The following MAEA variants were observed in gnomAD, a reference collection of about 807,000 sequenced individuals.
MAEA encodes E3 ubiquitin-protein transferase MAEA.
Under a neutral mutation model 46.2 loss-of-function variants are expected in MAEA, and 22 were observed. The observed-to-expected ratio is 0.48, with a 90% confidence interval of 0.34 to 0.68. The LOEUF (loss-of-function observed/expected upper bound fraction) is 0.68. Ranked by LOEUF, MAEA falls within the 30% of genes least tolerant of loss-of-function variation. MAEA has a pLI of 0.01. For missense variants in MAEA, 393 were observed against 558.1 expected (o/e 0.70, Z 2.98); for synonymous variants, 246 against 222.6 (o/e 1.11, Z -0.94).
chr4:1,333,924 A>C (rs1229889065), intron 6 of MAEA, among the ~76,000 whole-genome samples: 1 of 24,784 alleles, frequency 4.0e-5, no homozygotes, highest in Non-Finnish European at 6.9e-5. Flanking sequence ...GCTCACCCCC[A>C]TGCCCACTCC....
At position 1,338,774 on chromosome 4, in the gene MAEA, C is replaced by T. The variant is rs1040798123; in HGVS notation, c.1095+157C>T. 19 of 804,212 alleles carry T rather than the reference C, an allele frequency of 2.4e-5. No individual in the cohort carries two copies. In the East Asian group the frequency reaches 3.5e-4, roughly 15 times the overall value. 49.8% of individuals were successfully genotyped at this position (804,212 alleles called of 1,614,324 possible). On this transcript the variant is annotated intron_variant, in intron 8 of 8. Transcript: ENST00000303400. ...GGCGGGGGGCCAGGCTGGCACGCGTCGCCATCGGGACAGGGCTGTGTGGGG... is the reference window on the plus strand; with the variant it reads ...GGCGGGGGGCCAGGCTGGCACGCGTTGCCATCGGGACAGGGCTGTGTGGGG...
chr4:1,297,457 GCGTA>G (rs202158225), intron 1 of MAEA, among the ~76,000 whole-genome samples: 5 of 148,782 alleles, frequency 3.4e-5, no homozygotes, highest in African/African-American at 1.0e-4. Flanking sequence ...AAAAGTACGT[GCGTA>G]TGTGTGTGTG....
At chr4:1,292,404 T>C (rs1734184428) in intron 1 of MAEA, among the ~76,000 whole-genome samples, 1 of 152,136 alleles carries the variant, frequency 6.6e-6, no homozygotes, top group Admixed American at 6.5e-5. Context: ...AGGTACTTAT[T>C]TTTCTATTTT....
chr4:1,325,494 A>C (rs912037734), intron 4 of MAEA, among the ~76,000 whole-genome samples: 23 of 152,328 alleles, frequency 1.5e-4, no homozygotes, highest in African/African-American at 5.1e-4. Context: ...CTACTAGAGC[A>C]AAAGGTGTTA....
chr4:1,315,724 C>G, intron 3 of MAEA, 124 bp downstream of exon 3: 2 of 773,488 alleles, frequency 2.6e-6, no homozygotes. Flanking sequence ...CCCCCCACCC[C>G]CGTATGCTTG....
At chr4:1,293,895 G>C (rs1443127741) in intron 1 of MAEA, among the ~76,000 whole-genome samples, 2 of 152,234 alleles carry the variant, frequency 1.3e-5, no homozygotes, top group Admixed American at 6.5e-5. Context: ...GCTGTGTGCT[G>C]AAGTTGTAAC....
At position 1,304,275 on chromosome 4, in the gene MAEA, A is replaced by G. The variant is rs1371605091; in HGVS notation, c.70-7704A>G. On this transcript the variant is annotated intron_variant, in intron 1 of 8. Transcript: ENST00000303400. ...AGAGGGTAAAGAATGTAAAATATCT[A>G]ATGATTATTTATTGTTTGTTTATTT... Among the ~76,000 whole-genome samples, 4 of 152,204 alleles carry G rather than the reference A, an allele frequency of 2.6e-5. No individual in the cohort carries two copies. In the East Asian group the frequency reaches 7.7e-4, roughly 29 times the overall value.
chr4:1,329,574 G>A, intron 5 of MAEA: 2 of 985,454 alleles, frequency 2.0e-6, no homozygotes, highest in Non-Finnish European at 2.4e-6. Context: ...CAGGCGCAGT[G>A]TGAGCTACAT....
intron 5 of MAEA, chr4:1,329,645 C>T (rs948282786): frequency 5.1e-6 from 5 of 985,390 alleles, no homozygotes; most frequent in Middle Eastern, 5.2e-4. Flanking sequence ...CAGGGAAGTC[C>T]GGCCTCAGCT....
chr4:1,338,831 G>C (rs569216023), intron 8 of MAEA: 7 of 650,044 alleles, frequency 1.1e-5, no homozygotes, highest in Non-Finnish European at 1.6e-5. Flanking sequence ...GCTGGCACAC[G>C]TCGCCATTGG....
chr4:1,336,319 T>C (rs1380861365), intron 6 of MAEA, among the ~76,000 whole-genome samples: 1 of 151,556 alleles, frequency 6.6e-6, no homozygotes, highest in Non-Finnish European at 1.5e-5. Context: ...AAGTCAGAAC[T>C]GGCCCCACAG....
chr4:1,292,333 A>C (rs1029417306), intron 1 of MAEA, among the ~76,000 whole-genome samples: 1 of 152,138 alleles, frequency 6.6e-6, no homozygotes, highest in Admixed American at 6.5e-5. Flanking sequence ...CAGCAGTAAC[A>C]CTTGGGATGT....
At chr4:1,302,976 T>A (rs1459091595) in intron 1 of MAEA, among the ~76,000 whole-genome samples, 3 of 152,000 alleles carry the variant, frequency 2.0e-5, no homozygotes, top group African/African-American at 7.3e-5. Flanking sequence ...ATTGAAATCC[T>A]CATACGCAGC....
intron 1 of MAEA, among the ~76,000 whole-genome samples, chr4:1,308,002 A>G (rs1277361403): frequency 8.0e-6 from 1 of 125,712 alleles, no homozygotes; most frequent in Non-Finnish European, 1.9e-5. Flanking sequence ...TTACCTGTGC[A>G]GATACGGTCA....
rs1010678464 is a variant in MAEA, at chr4:1,305,753, G to A, written c.70-6226G>A. 1.8e-3 allele frequency among the ~76,000 whole-genome samples: 227 copies of A among 129,494 alleles called. 1 individual carries two copies. The highest frequency in any genetic ancestry group is 7.6e-3 in the Middle Eastern group (2 of 262). 85.0% of individuals were successfully genotyped at this position (129,494 alleles called of 152,430 possible). On this transcript the variant is annotated intron_variant, in intron 1 of 8. Coordinates refer to ENST00000303400, the MANE Select transcript of MAEA (RefSeq NM_001017405.3). ...CACGCGTGTGTGGGAGTGTGCGTGC[G>A]TGCACGTGCGCACGCGTGCGTGTAA...
At chr4:1,314,718 A>T (rs1011010072) in intron 2 of MAEA, among the ~76,000 whole-genome samples, 2 of 152,230 alleles carry the variant, frequency 1.3e-5, no homozygotes, top group Admixed American at 1.3e-4. Flanking sequence ...AGACAAAGAA[A>T]TATTTGAAAA....
chr4:1,320,180 G>A (rs532943383), intron 3 of MAEA, among the ~76,000 whole-genome samples: 1 of 96,538 alleles, frequency 1.0e-5, no homozygotes, highest in South Asian at 3.1e-4. Context: ...CTATGAAGGG[G>A]CTTCAGAAAT....
At chr4:1,318,067 A>G (rs1240075781) in intron 3 of MAEA, among the ~76,000 whole-genome samples, 1 of 152,156 alleles carries the variant, frequency 6.6e-6, no homozygotes, top group Non-Finnish European at 1.5e-5. Flanking sequence ...GCCCTGTCCC[A>G]CATGCCTTTC....
intron 4 of MAEA, 63 bp from the exon 5 acceptor site, chr4:1,327,564 C>T: frequency 8.4e-7 from 1 of 1,191,008 alleles, no homozygotes; most frequent in Non-Finnish European, 1.3e-6. Context: ...GCGGGTGCGG[C>T]ACCCGGGCAC....
Sources: allele counts gnomAD v4.1 joint callset (sites outside exome capture counted in the v4.1 genomes callset), GRCh38; gene constraint gnomAD v4.1.1; transcripts MANE v1.5; gene names NCBI Gene and HGNC (gene_info 2026-07-23, HGNC 2026-07-21).